APBA2: variants seen among roughly 807,000 people sequenced by gnomAD.
APBA2 encodes the protein amyloid-beta A4 precursor protein-binding family A member 2.
In APBA2, 30 loss-of-function variants were observed where a neutral mutation model predicts 75.0. The observed-to-expected ratio is 0.40, with a 90% CI of 0.30 to 0.54. The LOEUF is 0.54. Ranked by LOEUF, APBA2 falls within the 20% of genes least tolerant of loss-of-function variation. The pLI is 0.49. For synonymous variants in APBA2, 444 were observed against 409.6 expected (o/e 1.08, Z -1.01); for missense variants, 801 against 1,016.1 (o/e 0.79, Z 2.88).
chr15:28,899,168 C>A (rs2032694962), intron 1 of APBA2, among the ~76,000 whole-genome samples: 1 of 152,230 alleles, frequency 6.6e-6, no homozygotes, highest in African/African-American at 2.4e-5. Flanking sequence ...GCCCAGAAGT[C>A]CTGGGTGGAG....
At chr15:29,065,051 T>C (rs1203715259) in intron 4 of APBA2, among the ~76,000 whole-genome samples, 1 of 152,006 alleles carries the variant, frequency 6.6e-6, no homozygotes, top group Non-Finnish European at 1.5e-5. Context: ...ATGTGAGATA[T>C]TGACTTGCAT....
At chr15:29,103,199 C>G (rs1310760543) in intron 10 of APBA2, among the ~76,000 whole-genome samples, 1 of 152,204 alleles carries the variant, frequency 6.6e-6, no homozygotes, top group Non-Finnish European at 1.5e-5. Flanking sequence ...GTGAGAGTTT[C>G]CAAGGGGCAC....
chr15:29,040,353 G>T (rs569389273), intron 3 of APBA2, among the ~76,000 whole-genome samples: 16 of 152,358 alleles, frequency 1.1e-4, no homozygotes, highest in African/African-American at 3.4e-4. Flanking sequence ...ATGGGCAGAG[G>T]AACCAGGAAA....
At position 29,045,957 on chromosome 15, in the gene APBA2, G is replaced by GTCCCCA. The variant is rs564024167; in HGVS notation, c.-40-7886_-40-7881dup. Among the ~76,000 whole-genome samples the GTCCCCA allele has an allele frequency of 3.9e-5, 6 of 152,256 alleles. No individual in the cohort carries two copies. In the South Asian group the frequency reaches 1.0e-3, roughly 26 times the overall value. On this transcript the variant is annotated intron_variant, in intron 3 of 14. Transcript: ENST00000683413. ...TCTCCTGCCCTCCTACAGGGCAGCT[G>GTCCCCA]TCCCCATATAACAGTTGTATCCCTA...
chr15:28,950,211 A>C (rs946927766), intron 2 of APBA2, among the ~76,000 whole-genome samples: 1 of 152,196 alleles, frequency 6.6e-6, no homozygotes, highest in Non-Finnish European at 1.5e-5. Flanking sequence ...GAGGAAAACC[A>C]CAGAAGCGAA....
In APBA2 at chr15:29,054,978, G is replaced by A; in HGVS notation, c.951+143G>A. The A allele has an allele frequency of 1.3e-6, 1 of 788,938 alleles. No individual in the cohort carries two copies. The highest frequency in any genetic ancestry group is 2.7e-5 in the East Asian group (1 of 37,396). The allele number at this position is 788,938 out of a possible 1,614,324, so 48.9% of individuals were successfully genotyped here. On this transcript the variant is annotated intron_variant, in intron 4 of 14. Transcript: ENST00000683413. This position sits in a 1 kb window ranked among gnomAD's most constrained non-coding sequence, Gnocchi z 6.1. ...TCTAATGGTGGCTGAGCTCTTCATT[G>A]GTCCAGTTGGGAGACATGTTGCGTG...
At chr15:29,031,563 C>A (rs7177468) in intron 3 of APBA2, among the ~76,000 whole-genome samples, 56,286 of 151,960 alleles carry the variant, frequency 0.37, 17,174 homozygotes, top group African/African-American at 0.81. Flanking sequence ...TCTGCCTCCC[C>A]GGTTCAAGTG....
intron 2 of APBA2, among the ~76,000 whole-genome samples, chr15:28,942,946 A>AG (rs1274484408): frequency 6.6e-6 from 1 of 152,096 alleles, no homozygotes; most frequent in Non-Finnish European, 1.5e-5. Flanking sequence ...CCTCGTTCTC[A>AG]GGGGGGGCTT....
chr15:29,021,761 G>A (rs2039967971), intron 3 of APBA2, among the ~76,000 whole-genome samples: 1 of 152,008 alleles, frequency 6.6e-6, no homozygotes, highest in South Asian at 2.1e-4. Context: ...ACTCAGCTCG[G>A]ACAGCTGATA....
intron 2 of APBA2, among the ~76,000 whole-genome samples, chr15:28,928,103 C>T (rs1299083678): frequency 6.8e-6 from 1 of 147,460 alleles, no homozygotes; most frequent in Non-Finnish European, 1.5e-5. Flanking sequence ...GAGATCACTC[C>T]ACTGTACTCC....
At chr15:29,030,016 G>A (rs968159597) in intron 3 of APBA2, among the ~76,000 whole-genome samples, 5 of 152,170 alleles carry the variant, frequency 3.3e-5, no homozygotes, top group African/African-American at 9.7e-5. Context: ...CTCTGGGTTC[G>A]AGGCCCAACA....
chr15:28,940,786 G>C (rs2035176237), intron 2 of APBA2, among the ~76,000 whole-genome samples: 1 of 152,162 alleles, frequency 6.6e-6, no homozygotes, highest in South Asian at 2.1e-4. Flanking sequence ...GGCGGGAAAT[G>C]TACAAGTTGA....
chr15:28,936,088 T>TAGACGCAG, intron 2 of APBA2, among the ~76,000 whole-genome samples: 1 of 152,208 alleles, frequency 6.6e-6, no homozygotes, highest in Non-Finnish European at 1.5e-5. Context: ...TTTTCCAATC[T>TAGACGCAG]AGTAGAAAAT....
At chr15:28,948,851 A>G (rs1330585551) in intron 2 of APBA2, among the ~76,000 whole-genome samples, 2 of 151,480 alleles carry the variant, frequency 1.3e-5, no homozygotes, top group Non-Finnish European at 2.9e-5. Flanking sequence ...CAGGCCAGGC[A>G]CAGAGCAGCT....
At chr15:28,891,842 G>A (rs1004933044) in intron 1 of APBA2, among the ~76,000 whole-genome samples, 5 of 152,190 alleles carry the variant, frequency 3.3e-5, no homozygotes, top group African/African-American at 4.8e-5. Flanking sequence ...TAGCATATAT[G>A]ACAGAGGTCC....
chr15:29,076,895 A>G (rs2152927022), intron 6 of APBA2, among the ~76,000 whole-genome samples: 1 of 152,304 alleles, frequency 6.6e-6, no homozygotes, highest in East Asian at 1.9e-4. Flanking sequence ...GCAAACAACT[A>G]AAGCCTGGGG....
At position 29,101,823 on chromosome 15, in the gene APBA2, T is replaced by G. The variant is rs1461688914; in HGVS notation, c.1524+39T>G. 3 of 1,600,386 alleles carry G rather than the reference T, an allele frequency of 1.9e-6. No individual in the cohort carries two copies. In the East Asian group the frequency reaches 6.8e-5, roughly 36 times the overall value. On this transcript the variant is annotated intron_variant, in intron 10 of 14. Transcript: ENST00000683413. ...TGCCAGGGCACTCCCCTCCCAAAGT[T>G]CACAGCCCAGGGCGGCTCCAGGATC...
At chr15:28,958,994 C>G (rs1244538007) in intron 2 of APBA2, among the ~76,000 whole-genome samples, 6 of 152,040 alleles carry the variant, frequency 3.9e-5, no homozygotes, top group Admixed American at 3.9e-4. Flanking sequence ...CTTCTGTTCT[C>G]TTCTCTTCTT....
chr15:28,986,123 C>T (rs141233970), intron 2 of APBA2, among the ~76,000 whole-genome samples: 111 of 152,332 alleles, frequency 7.3e-4, no homozygotes, highest in African/African-American at 2.5e-3. Flanking sequence ...CAATTCCCGG[C>T]GGCTCTCCAG....
Sources: allele counts gnomAD v4.1 joint callset (sites outside exome capture counted in the v4.1 genomes callset), GRCh38; gene constraint gnomAD v4.1.1; non-coding constraint Gnocchi (gnomAD v3.1); transcripts MANE v1.5; gene names NCBI Gene and HGNC (gene_info 2026-07-23, HGNC 2026-07-21).